ERC1: variants seen among roughly 807,000 people sequenced by gnomAD.
The protein encoded by ERC1 is ELKS/RAB6-interacting/CAST family member 1, also known as RAB6 interacting protein 2.
In ERC1, 56 loss-of-function variants were observed where a neutral mutation model predicts 132.0. The observed-to-expected ratio is 0.42, with a 90% CI of 0.34 to 0.53. The LOEUF (loss-of-function observed/expected upper bound fraction) is 0.53, where lower values mean the gene tolerates loss of function less well. Among genes scored for constraint, ERC1 ranks in the 20% least tolerant of loss-of-function variants. The pLI is 0.03. For missense variants in ERC1, 1,202 were observed against 1,349.9 expected (o/e 0.89, Z 1.72); for synonymous variants, 478 against 476.1 (o/e 1.00, Z -0.05).
At chr12:1,237,920 T>A (rs7980065) in intron 13 of ERC1, among the ~76,000 whole-genome samples, 7 of 152,020 alleles carry the variant, frequency 4.6e-5, no homozygotes, top group African/African-American at 1.7e-4. Flanking sequence ...ATTTGGAGGG[T>A]TTACTATGTA....
chr12:1,353,109 C>T (rs2085178377), intron 15 of ERC1, among the ~76,000 whole-genome samples: 1 of 149,564 alleles, frequency 6.7e-6, no homozygotes, highest in Admixed American at 6.6e-5. Context: ...CTGCTCACTG[C>T]AAGCTCCGCC....
At chr12:1,488,173 G>T (rs1039288260) in intron 18 of ERC1, among the ~76,000 whole-genome samples, 4 of 151,228 alleles carry the variant, frequency 2.6e-5, no homozygotes, top group Admixed American at 1.3e-4. Flanking sequence ...GATAGATGGG[G>T]TCTCACTACC....
At chr12:1,134,189 G>A in intron 7 of ERC1, among the ~76,000 whole-genome samples, 1 of 151,930 alleles carries the variant, frequency 6.6e-6, no homozygotes, top group South Asian at 2.1e-4. Context: ...TAGTCTCCTC[G>A]TGCACCCCCT....
At chr12:1,047,205 T>A (rs1273597170) in intron 2 of ERC1, among the ~76,000 whole-genome samples, 3 of 152,204 alleles carry the variant, frequency 2.0e-5, no homozygotes, top group African/African-American at 4.8e-5. Context: ...AATTACACTA[T>A]TAACTTGGTG....
intron 15 of ERC1, among the ~76,000 whole-genome samples, chr12:1,334,424 G>C (rs2083138344): frequency 6.6e-6 from 1 of 152,170 alleles, no homozygotes; most frequent in Non-Finnish European, 1.5e-5. Flanking sequence ...GTGTAAGGAA[G>C]GGATCCAGTT....
At chr12:992,141 C>G (rs1363231792) in intron 1 of ERC1, among the ~76,000 whole-genome samples, 1 of 152,118 alleles carries the variant, frequency 6.6e-6, no homozygotes, top group Non-Finnish European at 1.5e-5. Flanking sequence ...ACGCTTAGCT[C>G]CTTCAAGGTG....
At chr12:1,126,511 C>G (rs1948176833) in intron 7 of ERC1, among the ~76,000 whole-genome samples, 1 of 152,078 alleles carries the variant, frequency 6.6e-6, no homozygotes, top group African/African-American at 2.4e-5. Flanking sequence ...TAAAGAGAAA[C>G]TATAAAGCTA....
intron 12 of ERC1, among the ~76,000 whole-genome samples, chr12:1,215,679 GCTT>G (rs759701399): frequency 1.8e-4 from 28 of 152,102 alleles, no homozygotes; most frequent in East Asian, 9.6e-4. Context: ...TGCCATTTAA[GCTT>G]CTTCTTGCAG....
intron 15 of ERC1, among the ~76,000 whole-genome samples, chr12:1,304,779 CTTTTTTTTTTTT>C (rs1186965322): frequency 2.6e-4 from 18 of 70,082 alleles, no homozygotes; most frequent in African/African-American, 5.6e-4. Flanking sequence ...TGTTGTAACT[CTTTTTTTTTTTT>C]TTTTTTTTTT....
In ERC1 at chr12:1,083,407, C is replaced by T. The variant is rs1476647090; in HGVS notation, c.913C>T (p.Arg305Trp). Residue 305 changes from arginine (R) to tryptophan (W), a missense_variant, in exon 3 of 19, where the codon CGG becomes TGG. Transcript: ENST00000360905. ...GACTCAAAAGCAGACCCTAAATGCT[C>T]GGGATGAATCCATTAAGAAGCTTCT... ...IETQKQTLNA[R>W]DESIKKLLEM... is the part of the protein sequence containing the mutation. 2.5e-6 allele frequency: 4 copies of T among 1,614,060 alleles called. No homozygotes were observed. Among genetic ancestry groups the T allele is most frequent in the Non-Finnish European group, 3.4e-6 (4 of 1,180,000 alleles).
chr12:1,124,929 T>G (rs1947987473), intron 7 of ERC1, among the ~76,000 whole-genome samples: 1 of 151,944 alleles, frequency 6.6e-6, no homozygotes, highest in South Asian at 2.1e-4. Flanking sequence ...GTAATCAACC[T>G]CATCCCTTTT....
At chr12:1,033,047 T>C (rs1406279853) in intron 2 of ERC1, among the ~76,000 whole-genome samples, 1 of 150,700 alleles carries the variant, frequency 6.6e-6, no homozygotes, top group Non-Finnish European at 1.5e-5. Context: ...TAATTTTTTT[T>C]TTTTTTGAAA....
chr12:1,246,863 A>G (rs2076186432), intron 13 of ERC1, among the ~76,000 whole-genome samples: 1 of 152,232 alleles, frequency 6.6e-6, no homozygotes. Flanking sequence ...TAAATATGTC[A>G]AGATGATGAA....
intron 16 of ERC1, among the ~76,000 whole-genome samples, chr12:1,388,336 ACT>A (rs2089601861): frequency 8.5e-6 from 1 of 117,770 alleles, no homozygotes; most frequent in Non-Finnish European, 1.6e-5. Flanking sequence ...GGTGACAGAG[ACT>A]CTGTCTCAAA....
chr12:1,447,867 C>G (rs1296943755), intron 18 of ERC1, among the ~76,000 whole-genome samples: 1 of 152,142 alleles, frequency 6.6e-6, no homozygotes, highest in African/African-American at 2.4e-5. Context: ...CCAGTCTGGT[C>G]TCGAACTCCT....
chr12:1,418,641 T>TTCTTTCTC (rs2092274349), intron 17 of ERC1, among the ~76,000 whole-genome samples: 1 of 78,834 alleles, frequency 1.3e-5, no homozygotes, highest in African/African-American at 4.8e-5. Flanking sequence ...CTTTCTTTCT[T>TTCTTTCTC]TCTCTCTCTC....
At chr12:1,263,521 G>T (rs1234776717) in intron 14 of ERC1, among the ~76,000 whole-genome samples, 2 of 152,168 alleles carry the variant, frequency 1.3e-5, no homozygotes, top group Non-Finnish European at 2.9e-5. Context: ...TGTTAACACA[G>T]AAGTCCCTGC....
At chr12:1,395,939 A>AAAAG (rs1325234847) in intron 16 of ERC1, among the ~76,000 whole-genome samples, 1 of 152,138 alleles carries the variant, frequency 6.6e-6, no homozygotes, top group African/African-American at 2.4e-5. Flanking sequence ...AGTCTTAAAA[A>AAAAG]AAAAAATCAC....
chr12:1,186,321 A>C (rs1235623116), intron 11 of ERC1, among the ~76,000 whole-genome samples: 2 of 152,220 alleles, frequency 1.3e-5, no homozygotes, highest in Non-Finnish European at 2.9e-5. Flanking sequence ...GATTATCTGC[A>C]TGGTTTTGTA....
Sources: allele counts gnomAD v4.1 joint callset (sites outside exome capture counted in the v4.1 genomes callset), GRCh38; gene constraint gnomAD v4.1.1; transcripts MANE v1.5; gene names NCBI Gene and HGNC (gene_info 2026-07-23, HGNC 2026-07-21).